KTN1: variants seen among roughly 807,000 people sequenced by gnomAD.
KTN1 encodes the protein kinectin.
A neutral mutation model predicts 222.5 loss-of-function variants in KTN1; 130 were observed. The ratio of observed to expected loss-of-function variants is 0.58; its 90% CI spans 0.51 to 0.68. The LOEUF (loss-of-function observed/expected upper bound fraction) is 0.68, where lower values mean the gene tolerates loss of function less well. Ranked by LOEUF, KTN1 falls within the 30% of genes least tolerant of loss-of-function variation. KTN1 has a pLI of 0.00. For synonymous variants in KTN1, 512 were observed against 496.3 expected (o/e 1.03, Z -0.42); for missense variants, 1,508 against 1,500.4 (o/e 1.01, Z -0.08).
At chr14:55,643,524 C>T (rs2041999791) in intron 18 of KTN1, among the ~76,000 whole-genome samples, 1 of 152,084 alleles carries the variant, frequency 6.6e-6, no homozygotes, top group Non-Finnish European at 1.5e-5. Flanking sequence ...ATGCTGATAA[C>T]CAGTGTATGA....
chr14:55,663,748 A>T, intron 32 of KTN1: 1 of 503,580 alleles, frequency 2.0e-6, no homozygotes. Context: ...TGATATATAT[A>T]CTAAAACATG....
At chr14:55,628,131 G>T in intron 6 of KTN1, 103 bp downstream of exon 6, 1 of 709,954 alleles carries the variant, frequency 1.4e-6, no homozygotes, top group East Asian at 2.8e-5. Flanking sequence ...TGTAATTTAT[G>T]TCCAACAAAA....
intron 1 of KTN1, among the ~76,000 whole-genome samples, chr14:55,599,872 T>A (rs10083499): frequency 0.077 from 11,772 of 152,190 alleles, 501 homozygotes; most frequent in South Asian, 0.11. Flanking sequence ...TCTTTTTCTC[T>A]TTTGTGTCAA....
chr14:55,647,018 A>G lies in KTN1; in HGVS notation c.2207+11A>G. On this transcript the variant is annotated intron_variant, in intron 19 of 43. Transcript: ENST00000395314. ...ACAAATGGAAAAATGGTAAGAGTTTAGTTTTCTTTTTATATTTTGATGAGT... is the reference window on the plus strand; with the variant it reads ...ACAAATGGAAAAATGGTAAGAGTTTGGTTTTCTTTTTATATTTTGATGAGT... The G allele has an allele frequency of 6.8e-7, 1 of 1,467,046 alleles. No homozygotes were observed. Among genetic ancestry groups the G allele is most frequent in the Non-Finnish European group, 9.5e-7 (1 of 1,050,554 alleles). 90.9% of individuals were successfully genotyped at this position (1,467,046 alleles called of 1,614,324 possible).
At chr14:55,665,018 G>A (rs977322794) in intron 33 of KTN1, among the ~76,000 whole-genome samples, 42 of 150,576 alleles carry the variant, frequency 2.8e-4, no homozygotes, top group African/African-American at 9.5e-4. Flanking sequence ...GCAAGTATAC[G>A]TTTGTAGTTA....
chr14:55,616,483 C>T (rs773323187), intron 2 of KTN1, 34 bp from the exon 3 acceptor site: 2 of 1,533,584 alleles, frequency 1.3e-6, no homozygotes, highest in South Asian at 1.3e-5. Context: ...TCATTGTTTG[C>T]CACAATTATT....
Position 55,630,092 on chromosome 14 carries a change from A to G in KTN1, c.1216A>G (p.Met406Val), listed in dbSNP as rs1485675452. The change falls in exon 7 of 44, where the codon ATG (methionine) becomes GTG (valine). Residue 406 changes from methionine (M) to valine (V), a missense_variant. Transcript: ENST00000395314. ...VSYQETQQMQ[M>V]KFQQVREQME... The stretch of plus-strand genomic sequence containing the variant: ...TTATCAAGAGACTCAACAGATGCAG[A>G]TGAAGGTATATTTTCATTCTTTGGA... The G allele has an allele frequency of 5.6e-6, 9 of 1,610,066 alleles. No homozygotes were observed. Among genetic ancestry groups the G allele is most frequent in the Non-Finnish European group, 7.6e-6 (9 of 1,177,828 alleles).
At chr14:55,624,445 T>C (rs560551003) in intron 5 of KTN1, among the ~76,000 whole-genome samples, 1 of 152,190 alleles carries the variant, frequency 6.6e-6, no homozygotes, top group Non-Finnish European at 1.5e-5. Flanking sequence ...GTGGTTTTTG[T>C]GAACACTTTG....
chr14:55,594,052 A>G (rs2034613975), intron 1 of KTN1, among the ~76,000 whole-genome samples: 1 of 152,144 alleles, frequency 6.6e-6, no homozygotes, highest in Non-Finnish European at 1.5e-5. Flanking sequence ...TACGATGTTT[A>G]TCTTAGTTTT....
chr14:55,634,607 G>A lies in KTN1; in HGVS notation c.1410G>A (p.Gln470=). The change falls in exon 9 of 44, where the codon CAG becomes CAA. Residue 470 remains glutamine, a synonymous_variant. Coordinates refer to ENST00000395314, the MANE Select transcript of KTN1 (RefSeq NM_001079521.2). ...NELTEKTGKL[Q]QEEVQKKNAE... ...TGACTGAGAAAACAGGAAAGCTACAGCAAGAGGAAGTCCAAAAGAAGAATG... is the reference window on the plus strand; with the variant it reads ...TGACTGAGAAAACAGGAAAGCTACAACAAGAGGAAGTCCAAAAGAAGAATG... 1 of 1,613,830 alleles carries A rather than the reference G, an allele frequency of 6.2e-7. No homozygotes were observed. The highest frequency in any genetic ancestry group is 8.5e-7 in the Non-Finnish European group (1 of 1,179,790).
At chr14:55,600,459 T>C (rs1233263023) in intron 1 of KTN1, among the ~76,000 whole-genome samples, 2 of 152,116 alleles carry the variant, frequency 1.3e-5, no homozygotes, top group Non-Finnish European at 2.9e-5. Context: ...GGAGAAGTTA[T>C]AGGATGATGT....
At chr14:55,602,209 A>G (rs753040260) in intron 1 of KTN1, among the ~76,000 whole-genome samples, 6 of 152,192 alleles carry the variant, frequency 3.9e-5, no homozygotes, top group Non-Finnish European at 5.9e-5. Flanking sequence ...ATCACACTGC[A>G]GTATGTTGCT....
At chr14:55,626,900 C>G (rs2039907142) in intron 5 of KTN1, among the ~76,000 whole-genome samples, 1 of 151,684 alleles carries the variant, frequency 6.6e-6, no homozygotes, top group South Asian at 2.1e-4. Context: ...GACCTTCTTC[C>G]AAGAAAGTTC....
chr14:55,682,342 A>G (rs2046446352), intron 43 of KTN1: 1 of 152,130 alleles, frequency 6.6e-6, no homozygotes, highest in Non-Finnish European at 1.5e-5. Flanking sequence ...GAGATTGATT[A>G]AGATGCCTTT....
In KTN1 at chr14:55,644,538, A is replaced by G. The variant is rs969966244; in HGVS notation, c.2173-2435A>G. 24 of 517,116 alleles carry G rather than the reference A, an allele frequency of 4.6e-5. No individual in the cohort carries two copies. In the East Asian group the frequency reaches 7.3e-4, roughly 16 times the overall value. The allele number at this position is 517,116 out of a possible 1,614,324, so 32.0% of individuals were successfully genotyped here. On this transcript the variant is annotated intron_variant, in intron 18 of 43. Transcript: ENST00000395314. ...TAATGCAAATAAATCATTTACTAAT[A>G]TTTCATTTACTCAGAATAAGACTTT...
Position 55,619,295 on chromosome 14 carries a change from C to G in KTN1, c.946C>G (p.Gln316Glu), listed in dbSNP as rs1200996556. 1 of 1,613,314 alleles carries G rather than the reference C, an allele frequency of 6.2e-7. No individual in the cohort carries two copies. The highest frequency in any genetic ancestry group is 2.2e-5 in the East Asian group (1 of 44,846). ...DLLKEKSGVI[Q>E]DALKKSSKGE... ...GCTAAAGGAGAAGTCTGGTGTAATA[C>G]AAGATGCTTTAAAGAAGGTAAGCGT... Residue 316 changes from glutamine to glutamate, a missense_variant, in exon 5 of 44, where the codon CAA (glutamine) becomes GAA (glutamate). By Grantham distance (29) the Gln-to-Glu change is conservative. Coordinates refer to ENST00000395314, the MANE Select transcript of KTN1 (RefSeq NM_001079521.2).
intron 15 of KTN1, 152 bp downstream of exon 15, chr14:55,640,594 T>G: frequency 1.6e-6 from 1 of 634,294 alleles, no homozygotes; most frequent in Non-Finnish European, 2.7e-6. Flanking sequence ...ACTGTTTTTA[T>G]GTTGAAATAA....
intron 5 of KTN1, among the ~76,000 whole-genome samples, chr14:55,624,339 A>G (rs2039526200): frequency 6.6e-6 from 1 of 152,170 alleles, no homozygotes; most frequent in African/African-American, 2.4e-5. Flanking sequence ...CTGGCATAGG[A>G]TAGGATTTTT....
rs544470197 is a variant in KTN1 at position 55,620,990 on chromosome 14, A to C, written c.963+1678A>C. Among the ~76,000 whole-genome samples the C allele has an allele frequency of 1.2e-4, 18 of 152,294 alleles. No homozygotes were observed. In the South Asian group the frequency reaches 3.7e-3, roughly 32 times the overall value. On this transcript the variant is annotated intron_variant, in intron 5 of 43. Transcript: ENST00000395314. ...CTTAAAACTGAATGCTGTTAATAGC[A>C]CCCAGGTCACCTCTTGAATGCTTTG...
Sources: allele counts gnomAD v4.1 joint callset (sites outside exome capture counted in the v4.1 genomes callset), GRCh38; gene constraint gnomAD v4.1.1; transcripts MANE v1.5; gene names NCBI Gene and HGNC (gene_info 2026-07-23, HGNC 2026-07-21).